Variants in KDM2B observed in about 807,000 individuals in gnomAD.
KDM2B encodes the protein lysine demethylase 2B.
KDM2B carries 26 observed loss-of-function variants against 150.0 expected under a neutral mutation model. The ratio of observed to expected loss-of-function variants is 0.17; its 90% confidence interval spans 0.13 to 0.24. The LOEUF (loss-of-function observed/expected upper bound fraction) is 0.24. KDM2B is among the 10% of genes least tolerant of loss of function. KDM2B has a pLI of 1.00. For missense variants in KDM2B, 1,265 were observed against 1,816.9 expected (o/e 0.70, Z 5.52); for synonymous variants, 734 against 729.5 (o/e 1.01, Z -0.10).
Position 121,580,892 on chromosome 12 carries a change from C to T in KDM2B, c.20G>A (p.Gly7Glu). 6.2e-7 allele frequency: 1 copy of T among 1,613,746 alleles called. No homozygotes were observed. The highest frequency in any genetic ancestry group is 8.5e-7 in the Non-Finnish European group (1 of 1,179,854). MAGPQM[G>E]GSAEDHPPRK... ...TGGGGGGTGATCCTCTGCAGATCCC[C>T]CCATTTGCGGACCCGCCATGTGGAG... Residue 7 changes from glycine (G) to glutamate (E), a missense_variant, in exon 1 of 23, where the codon GGG becomes GAG. Transcript: ENST00000377071.
At chr12:121,420,283 T>C in the KDM2B span, 29 of 1,595,280 alleles carry the variant, frequency 1.8e-5, no homozygotes, top group Admixed American at 2.1e-4. Context: ...AAGATGATGA[T>C]GACGACGATG....
chr12:121,418,260 TCA>T, the KDM2B span: 1 of 201,228 alleles, frequency 5.0e-6, no homozygotes, highest in Non-Finnish European at 1.0e-5. Context: ...TGCACGTGTT[TCA>T]GTGACCACAG....
chr12:121,429,938 G>A lies in KDM2B; in HGVS notation c.*350C>T. On this transcript the variant is annotated 3_prime_UTR_variant, in exon 23 of 23. Coordinates refer to ENST00000377071, the MANE Select transcript of KDM2B (RefSeq NM_032590.5). ...CCAAAACCTCGGTGTTGCAAGGAAT[G>A]AAGTGTCCAAAACACCACTACCACT... 6.2e-6 allele frequency: 4 copies of A among 643,222 alleles called. No homozygotes were observed. The highest frequency in any genetic ancestry group is 1.1e-5 in the Non-Finnish European group (4 of 357,282). The allele number at this position is 643,222 out of a possible 1,614,324, so 39.8% of individuals were successfully genotyped here.
intron 6 of KDM2B, 142 bp from the exon 7 acceptor site, chr12:121,534,732 C>T: frequency 1.6e-6 from 1 of 633,314 alleles, no homozygotes; most frequent in Non-Finnish European, 2.7e-6. Context: ...CTTTAAAAAT[C>T]CAAATGTAAT....
chr12:121,509,769 T>C lies in KDM2B; in HGVS notation c.1445A>G (p.Lys482Arg). ...GTAGTCTACGGCCAATGTGGTGGACTTCACACTTTCCTCCGACTCATTAGA... is the reference window on the plus strand; with the variant it reads ...GTAGTCTACGGCCAATGTGGTGGACCTCACACTTTCCTCCGACTCATTAGA... ...TLSNESEESV[K>R]STTLAVDYPK... The change falls in exon 11 of 23, where the codon AAG becomes AGG. Residue 482 changes from lysine to arginine, a missense_variant. By Grantham distance (26) the Lys-to-Arg change is conservative (BLOSUM62 2). Transcript: ENST00000377071. The C allele has an allele frequency of 1.9e-6, 3 of 1,614,130 alleles. No individual in the cohort carries two copies. The highest frequency in any genetic ancestry group is 4.5e-5 in the East Asian group (2 of 44,860).
At chr12:121,464,936 CTG>C (rs373101036) in intron 12 of KDM2B, among the ~76,000 whole-genome samples, 64 of 152,178 alleles carry the variant, frequency 4.2e-4, no homozygotes, top group African/African-American at 1.4e-3. Flanking sequence ...GCTGAGAAAA[CTG>C]TTGAGGAAAG....
intron 7 of KDM2B, 92 bp downstream of exon 7, chr12:121,534,405 G>A: frequency 1.1e-6 from 1 of 884,174 alleles, no homozygotes; most frequent in South Asian, 1.4e-5. Flanking sequence ...CTGGTTGGAG[G>A]AGGGAGGTGG....
chr12:121,499,685 C>T (rs963674088), intron 11 of KDM2B, among the ~76,000 whole-genome samples: 5 of 151,798 alleles, frequency 3.3e-5, no homozygotes, highest in African/African-American at 4.8e-5. Context: ...TGGTGGCTCA[C>T]GCCTGTAATT....
chr12:121,573,318 T>C (rs1352189894), intron 4 of KDM2B, among the ~76,000 whole-genome samples: 12 of 150,336 alleles, frequency 8.0e-5, no homozygotes, highest in African/African-American at 2.9e-4. Flanking sequence ...AGTCTTACTC[T>C]GTTACCTAGG....
chr12:121,567,302 C>G (rs1251331478), intron 4 of KDM2B, among the ~76,000 whole-genome samples: 1 of 152,198 alleles, frequency 6.6e-6, no homozygotes, highest in Non-Finnish European at 1.5e-5. Flanking sequence ...AGTCCTCACC[C>G]CCAGCACCTC....
At chr12:121,534,997 C>T (rs1435134344) in intron 6 of KDM2B, among the ~76,000 whole-genome samples, 1 of 152,140 alleles carries the variant, frequency 6.6e-6, no homozygotes, top group Non-Finnish European at 1.5e-5. Flanking sequence ...CTGCCAGCCC[C>T]CTTTGTAGCA....
intron 8 of KDM2B, among the ~76,000 whole-genome samples, chr12:121,527,523 A>T (rs1357624260): frequency 3.3e-5 from 5 of 150,458 alleles, no homozygotes; most frequent in African/African-American, 9.7e-5. Context: ...GCATGGTGGC[A>T]GGCGCCTGTA....
intron 6 of KDM2B, among the ~76,000 whole-genome samples, chr12:121,543,878 T>C (rs1480573764): frequency 6.6e-6 from 1 of 151,378 alleles, no homozygotes; most frequent in Non-Finnish European, 1.5e-5. Flanking sequence ...TCCCAGCACT[T>C]TGGGAGGCCA....
intron 6 of KDM2B, among the ~76,000 whole-genome samples, chr12:121,541,327 C>CTG (rs1888591003): frequency 7.0e-6 from 1 of 143,792 alleles, no homozygotes; most frequent in Non-Finnish European, 1.5e-5. Context: ...GCCCAGGACT[C>CTG]TGAGGCTGCA....
intron 4 of KDM2B, among the ~76,000 whole-genome samples, chr12:121,559,482 C>T (rs1045932125): frequency 3.3e-5 from 5 of 152,148 alleles, no homozygotes; most frequent in Non-Finnish European, 2.9e-5. Context: ...GGTCCAGCCC[C>T]CACGGGGCAG....
chr12:121,417,680 A>G, the KDM2B span: 1 of 1,614,214 alleles, frequency 6.2e-7, no homozygotes, highest in East Asian at 2.2e-5. This position sits in a 1 kb window ranked among gnomAD's most constrained non-coding sequence, Gnocchi z 5.0. Flanking sequence ...ATATACCCAT[A>G]GATACTTGTC....
In KDM2B at chr12:121,453,444, A is replaced by G; in HGVS notation, c.1735-100T>C. 2.4e-6 allele frequency: 2 copies of G among 842,796 alleles called. No homozygotes were observed. Among genetic ancestry groups the G allele is most frequent in the Non-Finnish European group, 1.8e-6 (1 of 548,384 alleles). 52.2% of individuals were successfully genotyped at this position (842,796 alleles called of 1,614,324 possible). ...GAGCAAACTGTGTACCCCCAGAAAG[A>G]CACGATGGGGGCTCTAAACCCCATT... On this transcript the variant is annotated intron_variant, in intron 12 of 22. Coordinates refer to ENST00000377071, the MANE Select transcript of KDM2B (RefSeq NM_032590.5). This position sits in a 1 kb window ranked among gnomAD's most constrained non-coding sequence, Gnocchi z 6.4.
chr12:121,442,701 A>T lies in KDM2B; in HGVS notation c.2740T>A (p.Ser914Thr). 1.3e-6 allele frequency: 2 copies of T among 1,589,512 alleles called. No individual in the cohort carries two copies. Among genetic ancestry groups the T allele is most frequent in the Non-Finnish European group, 8.6e-7 (1 of 1,168,610 alleles). ...TCGGTGCTGGGTCCCGCGGTGGGGG[A>T]GCTGGAGCGGGAGTGGTCGCTCTCC... ...TRESDHSRSSSPTAGPSTEGA... is the reference protein window; with the variant it reads ...TRESDHSRSSTPTAGPSTEGA... The change falls in exon 19 of 23, where the codon TCC becomes ACC. Residue 914 changes from serine to threonine, a missense_variant. Around this residue, in one of 11 missense-constraint regions of KDM2B, gnomAD observed 418 missense variants for 402.4 expected, o/e 1.04. Transcript: ENST00000377071. This position sits in a 1 kb window ranked among gnomAD's most constrained non-coding sequence, Gnocchi z 7.7.
At position 121,547,698 on chromosome 12, in the gene KDM2B, G is replaced by A. The variant is rs1172519454; in HGVS notation, c.683+1179C>T. On this transcript the variant is annotated intron_variant, in intron 6 of 22. Coordinates refer to ENST00000377071, the MANE Select transcript of KDM2B (RefSeq NM_032590.5). ...AGAGTCTCGCTCTGTCGCCCAGGCT[G>A]GAGTGCAGTGGCTCAATCACTGCAA... 2.0e-5 allele frequency among the ~76,000 whole-genome samples: 3 copies of A among 147,952 alleles called. No individual in the cohort carries two copies. In the East Asian group the frequency reaches 6.0e-4, roughly 30 times the overall value.
Sources: allele counts gnomAD v4.1 joint callset (sites outside exome capture counted in the v4.1 genomes callset), GRCh38; gene constraint gnomAD v4.1.1; regional missense constraint gnomAD v4.1.1; non-coding constraint Gnocchi (gnomAD v3.1); transcripts MANE v1.5; gene names NCBI Gene and HGNC (gene_info 2026-07-23, HGNC 2026-07-21).